Variants in ADD1 observed in about 807,000 individuals in gnomAD.
ADD1 encodes alpha-adducin.
A neutral mutation model predicts 80.5 loss-of-function variants in ADD1; 24 were observed. That is an observed-to-expected ratio of 0.30 (90% CI 0.22 to 0.42). ADD1 has a LOEUF of 0.42. Ranked by LOEUF, ADD1 falls within the 10% of genes least tolerant of loss-of-function variation. The pLI, the probability that ADD1 is intolerant of heterozygous loss-of-function variation, is 1.00. For synonymous variants in ADD1, 373 were observed against 393.8 expected (o/e 0.95, Z 0.63); for missense variants, 948 against 1,019.0 (o/e 0.93, Z 0.95).
intron 1 of ADD1, among the ~76,000 whole-genome samples, chr4:2,868,610 G>A (rs994358346): frequency 2.0e-5 from 3 of 152,190 alleles, no homozygotes; most frequent in Non-Finnish European, 4.4e-5. Flanking sequence ...GGAATAAACA[G>A]TCTCATTTGA....
chr4:2,885,815 T>A (rs920656397), intron 4 of ADD1, among the ~76,000 whole-genome samples: 1 of 152,070 alleles, frequency 6.6e-6, no homozygotes, highest in Admixed American at 6.5e-5. Context: ...TTTCACCGTG[T>A]TAGCCAGGAT....
At chr4:2,869,410 C>T (rs181420507) in intron 1 of ADD1, among the ~76,000 whole-genome samples, 123 of 152,284 alleles carry the variant, frequency 8.1e-4, no homozygotes, top group Middle Eastern at 3.4e-3. Context: ...TCTCTTTGTC[C>T]GCATTTTCCG....
chr4:2,928,353 G>T lies in ADD1; in HGVS notation c.2230G>T (p.Ala744Ser), dbSNP rs1314993822. The change falls in exon 16 of 16, where the codon GCC becomes TCC. Residue 744 changes from alanine (A) to serine (S), a missense_variant. Transcript: ENST00000683351. ...EAPTEASPEP[A>S]PDPAPVAEEA... ...CCCTACTGAGGCCAGCCCCGAGCCA[G>T]CCCCAGACCCAGCCCCGGTGGCTGA... 4 of 1,613,660 alleles carry T rather than the reference G, an allele frequency of 2.5e-6. No individual in the cohort carries two copies. Among genetic ancestry groups the T allele is most frequent in the Non-Finnish European group, 1.7e-6 (2 of 1,179,896 alleles).
intron 1 of ADD1, among the ~76,000 whole-genome samples, chr4:2,849,676 G>C (rs553285827): frequency 6.6e-6 from 1 of 152,180 alleles, no homozygotes; most frequent in Non-Finnish European, 1.5e-5. Context: ...TTGCTTTGTG[G>C]ATTAACGTAT....
At chr4:2,861,289 G>A (rs891392785) in intron 1 of ADD1, among the ~76,000 whole-genome samples, 10 of 152,180 alleles carry the variant, frequency 6.6e-5, no homozygotes, top group African/African-American at 2.4e-4. Context: ...TAGGGACTGT[G>A]GGAAGCCATT....
intron 1 of ADD1, among the ~76,000 whole-genome samples, chr4:2,872,055 G>C (rs1282878428): frequency 6.6e-6 from 1 of 152,166 alleles, no homozygotes; most frequent in Non-Finnish European, 1.5e-5. Flanking sequence ...TAAGAGACTG[G>C]AAGTAGAGAA....
In ADD1 at chr4:2,917,514, T is replaced by A. The variant is rs745912174; in HGVS notation, c.1948+2474T>A. On this transcript the variant is annotated intron_variant, in intron 14 of 15. Transcript: ENST00000683351. ...ATTCTGATGATAGTTTCTTCTGGTG[T>A]GCAGAAGCTCTTTAGTTTAATTAGA... 2.6e-5 allele frequency among the ~76,000 whole-genome samples: 4 copies of A among 152,250 alleles called. No homozygotes were observed. In the East Asian group the frequency reaches 7.7e-4, roughly 29 times the overall value.
At chr4:2,849,588 T>G (rs966967701) in intron 1 of ADD1, among the ~76,000 whole-genome samples, 2 of 152,204 alleles carry the variant, frequency 1.3e-5, no homozygotes, top group Admixed American at 6.5e-5. Flanking sequence ...GAGAAAGTCA[T>G]CATTTGGGAG....
chr4:2,911,560 C>T (rs1163581930), intron 13 of ADD1, among the ~76,000 whole-genome samples: 2 of 151,576 alleles, frequency 1.3e-5, no homozygotes, highest in Non-Finnish European at 2.9e-5. Context: ...AGTCCTCCCT[C>T]CTCCCATCTC....
intron 2 of ADD1, among the ~76,000 whole-genome samples, chr4:2,879,612 G>C (rs1731908168): frequency 6.6e-6 from 1 of 152,128 alleles, no homozygotes; most frequent in African/African-American, 2.4e-5. Context: ...GATGCCATCT[G>C]TATCTCTTAC....
At chr4:2,862,678 A>G (rs947057438) in intron 1 of ADD1, among the ~76,000 whole-genome samples, 1 of 151,518 alleles carries the variant, frequency 6.6e-6, no homozygotes, top group African/African-American at 2.4e-5. Flanking sequence ...TAATGATGTG[A>G]CTCACCTCCC....
chr4:2,910,346 T>G (rs1351809124), intron 13 of ADD1, among the ~76,000 whole-genome samples: 3 of 152,072 alleles, frequency 2.0e-5, no homozygotes, highest in African/African-American at 7.2e-5. Flanking sequence ...ATAGCAAAGA[T>G]TCTGTATTCC....
chr4:2,915,203 G>T (rs1738788708), intron 14 of ADD1, among the ~76,000 whole-genome samples, 163 bp downstream of exon 14: 1 of 152,216 alleles, frequency 6.6e-6, no homozygotes, highest in South Asian at 2.1e-4. Context: ...TAGTCACTCA[G>T]GCCAGAATGG....
chr4:2,897,518 T>C (rs893786710), intron 6 of ADD1, among the ~76,000 whole-genome samples: 1 of 149,888 alleles, frequency 6.7e-6, no homozygotes, highest in Non-Finnish European at 1.5e-5. Flanking sequence ...AGAAAAACTT[T>C]AGAGCACTTG....
At chr4:2,866,017 C>A (rs1400039376) in intron 1 of ADD1, among the ~76,000 whole-genome samples, 2 of 152,124 alleles carry the variant, frequency 1.3e-5, no homozygotes, top group African/African-American at 4.8e-5. Flanking sequence ...GTTATTTGCT[C>A]AATTGCGAGA....
intron 15 of ADD1, among the ~76,000 whole-genome samples, chr4:2,927,419 T>G (rs939974869): frequency 6.6e-6 from 1 of 152,180 alleles, no homozygotes; most frequent in Non-Finnish European, 1.5e-5. Flanking sequence ...GGCCCTGATG[T>G]GTGGCTTGAT....
rs150557150 is a variant in ADD1, at chr4:2,912,008, A to C, written c.1791+2577A>C. 1.1e-3 allele frequency among the ~76,000 whole-genome samples: 167 copies of C among 152,352 alleles called. 1 individual carries two copies. Among genetic ancestry groups the C allele is most frequent in the Admixed American group, 3.6e-3 (55 of 15,304 alleles). On this transcript the variant is annotated intron_variant, in intron 13 of 15. Transcript: ENST00000683351. ...TGAGCACCTAACCTGTGCATGGTCC[A>C]GCACTGGGAATGCCAGTCCAGATCC... is the stretch of plus-strand genomic sequence containing the variant.
intron 1 of ADD1, among the ~76,000 whole-genome samples, chr4:2,854,530 A>G (rs545033656): frequency 2.0e-5 from 3 of 152,228 alleles, no homozygotes; most frequent in African/African-American, 7.2e-5. Flanking sequence ...TGTGAGTTCT[A>G]GCAATTTTTG....
At chr4:2,900,709 T>C (rs1312360963) in intron 9 of ADD1, 7 of 152,258 alleles carry the variant, frequency 4.6e-5, no homozygotes. Flanking sequence ...GGATGAATAT[T>C]GTCCGCTAGA....
Sources: gnomAD v4.1 joint callset for allele counts (sites outside exome capture counted in the v4.1 genomes callset) on GRCh38, gnomAD v4.1.1 for gene constraint, MANE v1.5 for transcripts, NCBI Gene and HGNC (gene_info 2026-07-23, HGNC 2026-07-21) for gene names.